The following ST6GALNAC3 variants were observed in gnomAD, a reference collection of about 807,000 sequenced individuals.
ST6GALNAC3 encodes alpha-N-acetylgalactosaminide alpha-2,6-sialyltransferase 3.
Under a neutral mutation model 32.7 loss-of-function variants are expected in ST6GALNAC3, and 25 were observed. The ratio of observed to expected loss-of-function variants is 0.76; its 90% CI spans 0.56 to 1.07. The LOEUF (loss-of-function observed/expected upper bound fraction) is 1.07, where lower values mean the gene tolerates loss of function less well. ST6GALNAC3 is among the 50% of genes least tolerant of loss of function. The pLI, the probability that ST6GALNAC3 is intolerant of heterozygous loss-of-function variation, is 0.00. For synonymous variants in ST6GALNAC3, 129 were observed against 133.1 expected, an observed-to-expected ratio of 0.97 and a Z score of 0.21; for missense variants, 355 against 382.4, an observed-to-expected ratio of 0.93 and a Z score of 0.60.
chr1:76,277,609 TATACACAC>T (rs1348626840), intron 1 of ST6GALNAC3, among the ~76,000 whole-genome samples: 1 of 45,030 alleles, frequency 2.2e-5, no homozygotes, highest in African/African-American at 2.0e-4. Context: ...TATATATATA[TATACACAC>T]ACACACACAC....
intron 3 of ST6GALNAC3, among the ~76,000 whole-genome samples, chr1:76,601,119 C>T (rs192490701): frequency 1.3e-5 from 2 of 151,910 alleles, no homozygotes; most frequent in African/African-American, 4.8e-5. Flanking sequence ...GATCATTTGA[C>T]CTGGGAAGTG....
intron 2 of ST6GALNAC3, among the ~76,000 whole-genome samples, chr1:76,376,045 A>T (rs1171116431): frequency 6.6e-6 from 1 of 152,106 alleles, no homozygotes; most frequent in East Asian, 1.9e-4. Flanking sequence ...AAATTGGAAG[A>T]CTAGGTAGAT....
At chr1:76,330,672 A>G (rs766306301) in intron 2 of ST6GALNAC3, among the ~76,000 whole-genome samples, 1 of 152,214 alleles carries the variant, frequency 6.6e-6, no homozygotes, top group Admixed American at 6.5e-5. Flanking sequence ...AAGCAACCCT[A>G]TGTAATAGAT....
chr1:76,283,671 A>G (rs151287891), intron 1 of ST6GALNAC3, among the ~76,000 whole-genome samples: 66 of 152,300 alleles, frequency 4.3e-4, no homozygotes, highest in Non-Finnish European at 6.8e-4. Context: ...AAATAATCAG[A>G]TTACTTTTCT....
chr1:76,308,494 T>A (rs910073812), intron 1 of ST6GALNAC3, among the ~76,000 whole-genome samples: 16 of 152,300 alleles, frequency 1.1e-4, no homozygotes, highest in African/African-American at 3.6e-4. Flanking sequence ...AATTGGTGGT[T>A]GTTAAATCTA....
Position 76,315,611 on chromosome 1 carries a change from G to C in ST6GALNAC3, c.213+1612G>C, listed in dbSNP as rs796605623. ...TGCTCCTGCAAAGGTTATTTCTTAG[G>C]AGAAAACATAGTTACTGGAAAGAAT... On this transcript the variant is annotated intron_variant, in intron 2 of 4. Transcript: ENST00000328299. Among the ~76,000 whole-genome samples, 11 of 152,178 alleles carry C rather than the reference G, an allele frequency of 7.2e-5. 1 individual carries two copies. Among genetic ancestry groups the C allele is most frequent in the African/African-American group, 2.6e-4 (11 of 41,532 alleles).
intron 3 of ST6GALNAC3, among the ~76,000 whole-genome samples, chr1:76,573,029 T>C (rs1359588377): frequency 6.6e-6 from 1 of 152,110 alleles, no homozygotes; most frequent in Non-Finnish European, 1.5e-5. Context: ...AGATAATCTT[T>C]TCCTGGTGAT....
intron 3 of ST6GALNAC3, among the ~76,000 whole-genome samples, chr1:76,577,696 G>A (rs541642020): frequency 3.3e-5 from 5 of 151,990 alleles, no homozygotes; most frequent in African/African-American, 4.8e-5. Flanking sequence ...CCTCCCATTA[G>A]TGGTCATGGA....
At chr1:76,538,609 A>T (rs936875416) in intron 3 of ST6GALNAC3, among the ~76,000 whole-genome samples, 2 of 152,214 alleles carry the variant, frequency 1.3e-5, no homozygotes, top group Non-Finnish European at 2.9e-5. Context: ...ATGATTTTAT[A>T]TTTAGAAAAC....
At chr1:76,517,320 T>C (rs1570051276) in intron 3 of ST6GALNAC3, among the ~76,000 whole-genome samples, 2 of 151,908 alleles carry the variant, frequency 1.3e-5, no homozygotes, top group East Asian at 3.8e-4. Flanking sequence ...TCTATGTTTA[T>C]GTGTTTTAAT....
chr1:76,481,253 T>C (rs1364293166), intron 3 of ST6GALNAC3, among the ~76,000 whole-genome samples: 3 of 152,182 alleles, frequency 2.0e-5, no homozygotes, highest in African/African-American at 7.2e-5. Flanking sequence ...AATTTCCTGA[T>C]GATTAAGCAC....
At chr1:76,079,539 A>G (rs916446836) in intron 1 of ST6GALNAC3, among the ~76,000 whole-genome samples, 12 of 152,164 alleles carry the variant, frequency 7.9e-5, no homozygotes, top group Non-Finnish European at 1.8e-4. Context: ...CTTCGAGAAG[A>G]TTATGGTTTT....
chr1:76,459,801 G>A (rs1658152998), intron 3 of ST6GALNAC3, among the ~76,000 whole-genome samples: 1 of 152,144 alleles, frequency 6.6e-6, no homozygotes, highest in South Asian at 2.1e-4. Context: ...CAAAGTTTGT[G>A]TTTTAGCAAA....
At chr1:76,236,188 T>A (rs1570533661) in intron 1 of ST6GALNAC3, among the ~76,000 whole-genome samples, 1 of 152,100 alleles carries the variant, frequency 6.6e-6, no homozygotes, top group African/African-American at 2.4e-5. Flanking sequence ...CCTCAGGTGA[T>A]CCGCCCGCCT....
At chr1:76,388,985 TG>T (rs1220767589) in intron 2 of ST6GALNAC3, among the ~76,000 whole-genome samples, 22 of 150,180 alleles carry the variant, frequency 1.5e-4, no homozygotes, top group Non-Finnish European at 2.4e-4. Flanking sequence ...TTAGTTGGTA[TG>T]GTGTGGTTGT....
In ST6GALNAC3 at chr1:76,305,893, G is replaced by T. The variant is rs761411390; in HGVS notation, c.19-7912G>T. The T allele has an allele frequency of 5.8e-6, 3 of 517,924 alleles. No homozygotes were observed. The East Asian group carries it at 1.6e-4, about 28-fold the overall frequency. The allele number at this position is 517,924 out of a possible 1,614,324, so 32.1% of individuals were successfully genotyped here. ...ATGGAGAAAATGGTAAAGATGACTT[G>T]AACTCTGATATTCTGCCTCTAGAGC... On this transcript the variant is annotated intron_variant, in intron 1 of 4. Coordinates refer to ENST00000328299, the MANE Select transcript of ST6GALNAC3 (RefSeq NM_152996.4).
rs1463860892 is a variant in ST6GALNAC3, at chr1:76,366,351, A to C, written c.214-45657A>C. Among the ~76,000 whole-genome samples, 5 of 152,196 alleles carry C rather than the reference A, an allele frequency of 3.3e-5. No homozygotes were observed. The East Asian group carries it at 9.6e-4, about 29-fold the overall frequency. Reference sequence around the variant, plus strand: ...CTTAATTTAGCTTTGAAAATGAAGTACATACTATTTATCTGGTTATACATT... The same window carrying C: ...CTTAATTTAGCTTTGAAAATGAAGTCCATACTATTTATCTGGTTATACATT... On this transcript the variant is annotated intron_variant, in intron 2 of 4. Coordinates refer to ENST00000328299, the MANE Select transcript of ST6GALNAC3 (RefSeq NM_152996.4).
intron 2 of ST6GALNAC3, among the ~76,000 whole-genome samples, chr1:76,320,254 G>T (rs1298722037): frequency 6.6e-6 from 1 of 152,134 alleles, no homozygotes; most frequent in Non-Finnish European, 1.5e-5. Context: ...CTCCCAGTAG[G>T]CCAAGGACAC....
At chr1:76,086,580 T>C (rs1246588525) in intron 1 of ST6GALNAC3, among the ~76,000 whole-genome samples, 6 of 152,296 alleles carry the variant, frequency 3.9e-5, no homozygotes, top group African/African-American at 1.4e-4. Context: ...ATCTCCAGCC[T>C]TCATGCCCCT....
Sources: allele counts gnomAD v4.1 joint callset (sites outside exome capture counted in the v4.1 genomes callset), GRCh38; gene constraint gnomAD v4.1.1; transcripts MANE v1.5; gene names NCBI Gene and HGNC (gene_info 2026-07-23, HGNC 2026-07-21).